THSD7B: variants seen among roughly 807,000 people sequenced by gnomAD.
The protein encoded by THSD7B is thrombospondin type 1 domain containing 7B.
In THSD7B, 138 loss-of-function variants were observed where a neutral mutation model predicts 213.6. The ratio of observed to expected loss-of-function variants is 0.65; its 90% confidence interval spans 0.56 to 0.74. The LOEUF (loss-of-function observed/expected upper bound fraction) is 0.74, where lower values mean the gene tolerates loss of function less well. Among genes scored for constraint, THSD7B ranks in the 30% least tolerant of loss-of-function variants. THSD7B has a pLI of 0.00. For synonymous variants in THSD7B, 742 were observed against 687.0 expected (o/e 1.08, Z -1.25); for missense variants, 1,931 against 1,991.5 (o/e 0.97, Z 0.58).
intron 14 of THSD7B, among the ~76,000 whole-genome samples, chr2:137,444,358 A>G (rs1217082820): frequency 6.6e-6 from 1 of 152,074 alleles, no homozygotes; most frequent in African/African-American, 2.4e-5. Context: ...ATGGCAAAGT[A>G]TTGATCTAAC....
intron 10 of THSD7B, among the ~76,000 whole-genome samples, chr2:137,263,169 T>C (rs974773753): frequency 2.0e-5 from 3 of 152,136 alleles, no homozygotes; most frequent in African/African-American, 7.2e-5. Flanking sequence ...ACTCTTATCC[T>C]GGATAGCGTA....
Position 137,062,363 on chromosome 2 carries a change from T to C in THSD7B, c.950+5133T>C, listed in dbSNP as rs540150764. ...TTGACTCTGATTTTATTATTTCTTTTCTTCTGCTTACTTTAGATTTAATTG... is the reference window on the plus strand; with the variant it reads ...TTGACTCTGATTTTATTATTTCTTTCCTTCTGCTTACTTTAGATTTAATTG... On this transcript the variant is annotated intron_variant, in intron 3 of 27. Coordinates refer to ENST00000409968, the MANE Select transcript of THSD7B (RefSeq NM_001316349.2). Among the ~76,000 whole-genome samples the C allele has an allele frequency of 4.6e-5, 7 of 151,784 alleles. No homozygotes were observed. The South Asian group carries it at 1.4e-3, about 31-fold the overall frequency.
intron 12 of THSD7B, among the ~76,000 whole-genome samples, chr2:137,282,080 T>C (rs1573931474): frequency 6.6e-6 from 1 of 152,114 alleles, no homozygotes; most frequent in South Asian, 2.1e-4. Context: ...TTCCTGACTT[T>C]TTAATGATCG....
At chr2:137,524,492 A>T (rs1237085099) in intron 15 of THSD7B, among the ~76,000 whole-genome samples, 6 of 152,040 alleles carry the variant, frequency 3.9e-5, no homozygotes, top group African/African-American at 1.2e-4. Flanking sequence ...TCTGGGAGAG[A>T]AATATCTGCA....
At chr2:137,314,965 TC>T (rs987893145) in intron 12 of THSD7B, among the ~76,000 whole-genome samples, 5 of 152,236 alleles carry the variant, frequency 3.3e-5, no homozygotes, top group Non-Finnish European at 7.3e-5. Context: ...TTTTTGTTTG[TC>T]TGTGCCCTGC....
rs1235032718 is a variant in THSD7B, at chr2:137,271,433, TATATA to T, written c.2267-1089_2267-1085del. Among the ~76,000 whole-genome samples the T allele has an allele frequency of 2.7e-4, 37 of 136,094 alleles. 1 individual carries two copies. The highest frequency in any genetic ancestry group is 1.5e-3 in the Admixed American group (20 of 13,466). The allele number at this position is 136,094 out of a possible 152,430, so 89.3% of individuals were successfully genotyped here. On this transcript the variant is annotated intron_variant, in intron 10 of 27. Transcript: ENST00000409968. The stretch of plus-strand genomic sequence containing the variant: ...AATTATAATATATAATTATATAATA[TATATA>T]ATATAATATATAATATAATATATAA...
At chr2:136,994,771 A>T (rs930613416) in intron 2 of THSD7B, among the ~76,000 whole-genome samples, 2 of 152,228 alleles carry the variant, frequency 1.3e-5, no homozygotes, top group Admixed American at 6.5e-5. Flanking sequence ...ATAAGCATCA[A>T]TACTAACATT....
rs563059061 is a variant in THSD7B, at chr2:137,396,770, A to T, written c.2501-8843A>T. Reference sequence around the variant, plus strand: ...TCTAATGTTGACAGTGGGGTGTTAAAGTCTCCCATTATTAATGTGTGGGAG... The same window carrying T: ...TCTAATGTTGACAGTGGGGTGTTAATGTCTCCCATTATTAATGTGTGGGAG... On this transcript the variant is annotated intron_variant, in intron 12 of 27. Coordinates refer to ENST00000409968, the MANE Select transcript of THSD7B (RefSeq NM_001316349.2). Among the ~76,000 whole-genome samples the T allele has an allele frequency of 4.3e-3, 644 of 150,684 alleles. 4 individuals carry two copies. Among genetic ancestry groups the T allele is most frequent in the Non-Finnish European group, 6.9e-3 (470 of 67,732 alleles).
At chr2:136,908,572 C>T (rs1432783868) in intron 2 of THSD7B, among the ~76,000 whole-genome samples, 1 of 152,124 alleles carries the variant, frequency 6.6e-6, no homozygotes, top group African/African-American at 2.4e-5. Context: ...GATGATCTTC[C>T]CTGGGGAGCC....
At chr2:137,330,516 T>G (rs58071516) in intron 12 of THSD7B, among the ~76,000 whole-genome samples, 3,324 of 152,240 alleles carry the variant, frequency 0.022, 139 homozygotes, top group African/African-American at 0.077. Flanking sequence ...TGTTCGGATA[T>G]GCTAGGAGTT....
At chr2:136,790,006 C>G (rs905075402) in intron 1 of THSD7B, among the ~76,000 whole-genome samples, 3 of 151,676 alleles carry the variant, frequency 2.0e-5, no homozygotes, top group African/African-American at 7.3e-5. Flanking sequence ...TCTTTAATGG[C>G]CTGGGAGGGG....
chr2:137,000,485 T>G (rs573473691), intron 2 of THSD7B, among the ~76,000 whole-genome samples: 1 of 152,278 alleles, frequency 6.6e-6, no homozygotes, highest in Non-Finnish European at 1.5e-5. Flanking sequence ...ACTATGGGGT[T>G]GATTATTAAC....
intron 1 of THSD7B, among the ~76,000 whole-genome samples, chr2:136,863,524 A>G (rs1683286394): frequency 6.6e-6 from 1 of 152,228 alleles, no homozygotes. Flanking sequence ...GTCCTTTTGC[A>G]CCAGAAATTA....
At chr2:136,770,408 A>G (rs1157726327) in intron 1 of THSD7B, among the ~76,000 whole-genome samples, 1 of 152,210 alleles carries the variant, frequency 6.6e-6, no homozygotes, top group Non-Finnish European at 1.5e-5. Flanking sequence ...ACATGAATAC[A>G]GCCTTACTGG....
chr2:137,072,035 G>A (rs71419513), intron 3 of THSD7B, among the ~76,000 whole-genome samples: 14,783 of 152,226 alleles, frequency 0.097, 986 homozygotes, highest in African/African-American at 0.19. Flanking sequence ...TTGAAGTCAG[G>A]TAGCGTGATG....
intron 2 of THSD7B, among the ~76,000 whole-genome samples, chr2:136,904,326 A>C (rs755146305): frequency 6.6e-6 from 1 of 152,072 alleles, no homozygotes; most frequent in Non-Finnish European, 1.5e-5. Flanking sequence ...GATCCTAGAC[A>C]TGGAGGCAGA....
chr2:137,121,408 A>T (rs535189852), intron 5 of THSD7B, among the ~76,000 whole-genome samples: 1 of 152,290 alleles, frequency 6.6e-6, no homozygotes, highest in East Asian at 1.9e-4. Flanking sequence ...TCTCCTGAAG[A>T]GGAAGAACAT....
chr2:137,403,466 GT>G (rs1451160037), intron 12 of THSD7B, among the ~76,000 whole-genome samples: 1 of 152,060 alleles, frequency 6.6e-6, no homozygotes, highest in East Asian at 1.9e-4. Flanking sequence ...CTAAACTGTG[GT>G]CTTTTTGTTC....
At chr2:136,775,179 C>T (rs1466457625) in intron 1 of THSD7B, among the ~76,000 whole-genome samples, 4 of 151,992 alleles carry the variant, frequency 2.6e-5, no homozygotes, top group Non-Finnish European at 5.9e-5. Context: ...ATTTTTGGAT[C>T]GTTGCCACCT....
Sources: allele counts gnomAD v4.1 joint callset (sites outside exome capture counted in the v4.1 genomes callset), GRCh38; gene constraint gnomAD v4.1.1; transcripts MANE v1.5; gene names NCBI Gene and HGNC (gene_info 2026-07-23, HGNC 2026-07-21).